HRC: variants seen among roughly 807,000 people sequenced by gnomAD.
HRC encodes histidine rich calcium binding protein, also known as sarcoplasmic reticulum histidine-rich calcium-binding protein.
In HRC, 41 loss-of-function variants were observed where a neutral mutation model predicts 61.4. The ratio of observed to expected loss-of-function variants is 0.67; its 90% CI spans 0.52 to 0.87. The LOEUF (loss-of-function observed/expected upper bound fraction) is 0.87. Ranked by LOEUF, HRC falls within the 40% of genes least tolerant of loss-of-function variation. The pLI is 0.00. For missense variants in HRC, 839 were observed against 885.8 expected (o/e 0.95, Z 0.67); for synonymous variants, 308 against 326.6 (o/e 0.94, Z 0.62).
Position 49,153,342 on chromosome 19 carries a change from A to G in HRC, c.1832-11T>C. 1 of 1,613,576 alleles carries G rather than the reference A, an allele frequency of 6.2e-7. No individual in the cohort carries two copies. Among genetic ancestry groups the G allele is most frequent in the Non-Finnish European group, 8.5e-7 (1 of 1,179,504 alleles). On this transcript the variant is annotated splice_polypyrimidine_tract_variant and intron_variant, in intron 1 of 5. Coordinates refer to ENST00000252825, the MANE Select transcript of HRC (RefSeq NM_002152.3). The surrounding 1 kb of genome is among the most constrained non-coding windows in gnomAD (Gnocchi z 4.8). ...GAGCATCCTGTGGACCTGCGGGGAC[A>G]GGAGGGCAGCAGTGACCCAGGCTGA...
chr19:49,151,666 C>G (rs552526612), intron 4 of HRC, 113 bp from the exon 5 acceptor site: 2 of 925,572 alleles, frequency 2.2e-6, no homozygotes, highest in South Asian at 2.9e-5. Context: ...TCCCTAATTC[C>G]TTCTTCCAAC....
chr19:49,153,204 G>A lies in HRC; in HGVS notation c.1902+57C>T, dbSNP rs1218091525. 2.2e-6 allele frequency: 3 copies of A among 1,371,824 alleles called. No homozygotes were observed. Among genetic ancestry groups the A allele is most frequent in the South Asian group, 1.2e-5 (1 of 85,058 alleles). The allele number at this position is 1,371,824 out of a possible 1,614,324, so 85.0% of individuals were successfully genotyped here. On this transcript the variant is annotated intron_variant, in intron 2 of 5. Transcript: ENST00000252825. This position sits in a 1 kb window ranked among gnomAD's most constrained non-coding sequence, Gnocchi z 4.8. The stretch of plus-strand genomic sequence containing the variant: ...AGCCCTCCCACAGCACCACCCCAGG[G>A]CCCCTGGGACAGATTCTGGGGACAC...
chr19:49,154,030 T>C lies in HRC; in HGVS notation c.1208A>G (p.Glu403Gly). 6.2e-7 allele frequency: 1 copy of C among 1,614,168 alleles called. No individual in the cohort carries two copies. Among genetic ancestry groups the C allele is most frequent in the African/African-American group, 1.3e-5 (1 of 75,040 alleles). ...SHQPRGHKSDEEDFQDEYKTE... is the reference protein window; with the variant it reads ...SHQPRGHKSDGEDFQDEYKTE... ...TTTATACTCATCTTGGAAGTCCTCT[T>C]CATCACTCTTGTGGCCTCGAGGTTG... Residue 403 changes from glutamate (E) to glycine (G), a missense_variant, in exon 1 of 6, where the codon GAA becomes GGA. Transcript: ENST00000252825.
Position 49,152,025 on chromosome 19 carries a change from A to C in HRC, c.2005T>G (p.Cys669Gly). The C allele has an allele frequency of 6.2e-7, 1 of 1,614,214 alleles. No individual in the cohort carries two copies. Among genetic ancestry groups the C allele is most frequent in the South Asian group, 1.1e-5 (1 of 91,088 alleles). ...CQFCYLCPLV[C>G]ETVCAPGSYV... ...TCACCTGGAGCGCAGACCGTTTCGC[A>C]GACCAGCGGGCAGAGATAGCAGAAC... Residue 669 changes from cysteine to glycine, a missense_variant, in exon 4 of 6, where the codon TGC (cysteine) becomes GGC (glycine). Cys to Gly is a radical substitution (Grantham distance 159, BLOSUM62 -3). Coordinates refer to ENST00000252825, the MANE Select transcript of HRC (RefSeq NM_002152.3).
intron 3 of HRC, 41 bp from the exon 4 acceptor site, chr19:49,152,099 G>A (rs751970952): frequency 1.3e-6 from 2 of 1,579,518 alleles, no homozygotes; most frequent in Non-Finnish European, 1.7e-6. Context: ...CGTGGGGCGT[G>A]GCCGGGGGCG....
chr19:49,155,111 TGTTGTTCCG>T lies in HRC; in HGVS notation c.118_126del (p.Arg40_Asn42del). On this transcript the variant is annotated inframe_deletion, in exon 1 of 6. Transcript: ENST00000252825. This position sits in a 1 kb window ranked among gnomAD's most constrained non-coding sequence, Gnocchi z 4.7. ...TCGGAGAGCCCGGCGACTCCAGTGC[TGTTGTTCCG>T]GTTTCTGAAGCCTAGCCCATCCCCT... The T allele has an allele frequency of 6.2e-7, 1 of 1,614,084 alleles. No individual in the cohort carries two copies. Among genetic ancestry groups the T allele is most frequent in the Non-Finnish European group, 8.5e-7 (1 of 1,180,028 alleles).
Position 49,153,609 on chromosome 19 carries a change from C to A in HRC, c.1629G>T (p.Glu543Asp). ...TCCTCTCCTCGTCTTCTTCCTCCTC[C>A]TCCTCCTCCTTGTCTTCCTCTTCTT... ...EEEEEEDKEE[E>D]EEEEDEERRE... Residue 543 changes from glutamate (E) to aspartate (D), a missense_variant, in exon 1 of 6, where the codon GAG becomes GAT. Physicochemically the swap from Glu to Asp is conservative, Grantham distance 45. Coordinates refer to ENST00000252825, the MANE Select transcript of HRC (RefSeq NM_002152.3). This position sits in a 1 kb window ranked among gnomAD's most constrained non-coding sequence, Gnocchi z 4.8. 1.3e-6 allele frequency: 2 copies of A among 1,543,296 alleles called. No individual in the cohort carries two copies. The highest frequency in any genetic ancestry group is 1.7e-5 in the Admixed American group (1 of 57,888).
In HRC at chr19:49,152,138, G is replaced by A. The variant is rs1386336693; in HGVS notation, c.1972-80C>T. On this transcript the variant is annotated intron_variant, in intron 3 of 5. Coordinates refer to ENST00000252825, the MANE Select transcript of HRC (RefSeq NM_002152.3). ...TTAGGATGGGGCCGGGACCAGACCC[G>A]GACCAGAGGCTAGGTCTAGGTTAAG... is the stretch of plus-strand genomic sequence containing the variant. 1.5e-6 allele frequency: 2 copies of A among 1,368,796 alleles called. 1 individual carries two copies. The highest frequency in any genetic ancestry group is 2.3e-5 in the South Asian group (2 of 86,114). 84.8% of individuals were successfully genotyped at this position (1,368,796 alleles called of 1,614,324 possible).
intron 4 of HRC, 82 bp from the exon 5 acceptor site, chr19:49,151,635 A>G: frequency 8.3e-7 from 1 of 1,209,926 alleles, no homozygotes; most frequent in Non-Finnish European, 1.2e-6. Flanking sequence ...GTGCGAGATT[A>G]GTGCTAGCTC....
At chr19:49,152,419 C>T in intron 2 of HRC, 41 bp from the exon 3 acceptor site, 2 of 1,568,778 alleles carry the variant, frequency 1.3e-6, no homozygotes, top group South Asian at 1.1e-5. Context: ...AACTCTAACG[C>T]CACTTGGGAG....
Position 49,154,225 on chromosome 19 carries a change from T to A in HRC, c.1013A>T (p.His338Leu), listed in dbSNP as rs774680358. 6.2e-7 allele frequency: 1 copy of A among 1,613,894 alleles called. No homozygotes were observed. Among genetic ancestry groups the A allele is most frequent in the Admixed American group, 1.7e-5 (1 of 59,998 alleles). The change falls in exon 1 of 6, where the codon CAT becomes CTT. Residue 338 changes from histidine to leucine, a missense_variant. Transcript: ENST00000252825. ...EVEAVSGEHH[H>L]HVPDHRHQGH... ...TTGGTGCCTGTGGTCAGGGACATGA[T>A]GGTGGTGTTCACCTGAGACAGCCTC...
At chr19:49,151,684 C>T (rs969553326) in intron 4 of HRC, 131 bp from the exon 5 acceptor site, 15 of 813,014 alleles carry the variant, frequency 1.8e-5, no homozygotes, top group Non-Finnish European at 2.8e-5. Flanking sequence ...AACTGAATCC[C>T]TTCTACCGGA....
chr19:49,154,836 G>C lies in HRC; in HGVS notation c.402C>G (p.His134Gln), dbSNP rs1268990122. 1 of 1,614,000 alleles carries C rather than the reference G, an allele frequency of 6.2e-7. No homozygotes were observed. Among genetic ancestry groups the C allele is most frequent in the Non-Finnish European group, 8.5e-7 (1 of 1,180,030 alleles). The change falls in exon 1 of 6, where the codon CAC (histidine) becomes CAG (glutamine). Residue 134 changes from histidine to glutamine, a missense_variant. His to Gln is a conservative substitution (Grantham distance 24). Coordinates refer to ENST00000252825, the MANE Select transcript of HRC (RefSeq NM_002152.3). The stretch of plus-strand genomic sequence containing the variant: ...CCGTGTCTTCACTCCCGTGGCCTCT[G>C]TGCCCACGGGCCTGCCCACCATGCT... ...FAEHGGQARG[H>Q]RGHGSEDTED...
In HRC at chr19:49,153,283, C is replaced by T; in HGVS notation, c.1880G>A (p.Cys627Tyr). Reference sequence around the variant, plus strand: ...TACATTGCAGAAGGAGCAGTAGCCACACAGGGACCCTGGCTGGTAGTTCCC... The same window carrying T: ...TACATTGCAGAAGGAGCAGTAGCCATACAGGGACCCTGGCTGGTAGTTCCC... ...EYGNYQPGSL[C>Y]GYCSFCNRCT... The change falls in exon 2 of 6, where the codon TGT becomes TAT. Residue 627 changes from cysteine to tyrosine, a missense_variant. Transcript: ENST00000252825. This position sits in a 1 kb window ranked among gnomAD's most constrained non-coding sequence, Gnocchi z 4.8. The T allele has an allele frequency of 6.2e-7, 1 of 1,613,876 alleles. No homozygotes were observed. Among genetic ancestry groups the T allele is most frequent in the Non-Finnish European group, 8.5e-7 (1 of 1,179,774 alleles).
At chr19:49,152,714 T>C (rs936886897) in intron 2 of HRC, among the ~76,000 whole-genome samples, 1 of 151,914 alleles carries the variant, frequency 6.6e-6, no homozygotes, top group Admixed American at 6.6e-5. Context: ...GGATTACAGG[T>C]GCGTGCCACC....
At position 49,155,099 on chromosome 19, in the gene HRC, C is replaced by T. The variant is rs148276077; in HGVS notation, c.139G>A (p.Ala47Thr). 3.7e-5 allele frequency: 59 copies of T among 1,614,140 alleles called. No homozygotes were observed. The East Asian group carries it at 5.1e-4, about 14-fold the overall frequency. Residue 47 changes from alanine to threonine, a missense_variant, in exon 1 of 6, where the codon GCC becomes ACC. Transcript: ENST00000252825. This position sits in a 1 kb window ranked among gnomAD's most constrained non-coding sequence, Gnocchi z 4.7. ...FRNRNNSTGV[A>T]GLSEEASAEL... is the part of the protein sequence containing the mutation. ...GCTGATGCCTCCTCGGAGAGCCCGG[C>T]GACTCCAGTGCTGTTGTTCCGGTTT...
In HRC at chr19:49,154,110, C is replaced by T; in HGVS notation, c.1128G>A (p.Glu376=). Residue 376 remains glutamate (E), a synonymous_variant, in exon 1 of 6, where the codon GAG becomes GAA. Transcript: ENST00000252825. ...PQHVHHGLVD[E]EEEEEEITVQ... ...CTGTGATCTCCTCTTCTTCCTCTTC[C>T]TCATCTACAAGGCCATGGTGGACAT... 1 of 1,614,188 alleles carries T rather than the reference C, an allele frequency of 6.2e-7. No individual in the cohort carries two copies. The highest frequency in any genetic ancestry group is 1.7e-5 in the Admixed American group (1 of 60,026).
intron 3 of HRC, 112 bp downstream of exon 3, chr19:49,152,198 C>A: frequency 8.0e-7 from 1 of 1,247,558 alleles, no homozygotes; most frequent in Non-Finnish European, 1.2e-6. Flanking sequence ...GTCAAGGTTG[C>A]ATCAGGGGTA....
Position 49,153,191 on chromosome 19 carries a change from G to T in HRC, c.1902+70C>A, listed in dbSNP as rs2041378198. ...TGCCCTTGCTCTGAGCCCTCCCACAGCACCACCCCAGGGCCCCTGGGACAG... is the reference window on the plus strand; with the variant it reads ...TGCCCTTGCTCTGAGCCCTCCCACATCACCACCCCAGGGCCCCTGGGACAG... On this transcript the variant is annotated intron_variant, in intron 2 of 5. Coordinates refer to ENST00000252825, the MANE Select transcript of HRC (RefSeq NM_002152.3). This position sits in a 1 kb window ranked among gnomAD's most constrained non-coding sequence, Gnocchi z 4.8. The T allele has an allele frequency of 8.1e-7, 1 of 1,229,162 alleles. No homozygotes were observed. Among genetic ancestry groups the T allele is most frequent in the South Asian group, 1.2e-5 (1 of 81,208 alleles). The allele number at this position is 1,229,162 out of a possible 1,614,324, so 76.1% of individuals were successfully genotyped here. A position where few individuals can be genotyped will look rare whatever the true frequency, so the allele number is the denominator to read the frequency against.
Sources: gnomAD v4.1 joint callset for allele counts (sites outside exome capture counted in the v4.1 genomes callset) on GRCh38, gnomAD v4.1.1 for gene constraint, Gnocchi (gnomAD v3.1) non-coding constraint, MANE v1.5 for transcripts, NCBI Gene and HGNC (gene_info 2026-07-23, HGNC 2026-07-21) for gene names.